Variants in RIMS2 observed in about 807,000 individuals in gnomAD.
The protein encoded by RIMS2 is regulating synaptic membrane exocytosis protein 2.
In RIMS2, 59 loss-of-function variants were observed where a neutral mutation model predicts 174.4. That is an observed-to-expected ratio of 0.34 (90% CI 0.27 to 0.42). The LOEUF (loss-of-function observed/expected upper bound fraction) is 0.42, where lower values mean the gene tolerates loss of function less well. RIMS2 is among the 10% of genes least tolerant of loss of function. The probability of loss-of-function intolerance (pLI) is 1.00; values close to 1 mark genes in which losing one functional copy is unlikely to be tolerated. For missense variants in RIMS2, 1,620 were observed against 1,666.3 expected (o/e 0.97, Z 0.48); for synonymous variants, 606 against 572.5 (o/e 1.06, Z -0.84).
chr8:104,086,685 G>A (rs1451584681), intron 19 of RIMS2, among the ~76,000 whole-genome samples: 2 of 151,854 alleles, frequency 1.3e-5, no homozygotes, highest in Non-Finnish European at 1.5e-5. Context: ...CCCTTTCTTC[G>A]ACTACCGCTT....
chr8:103,906,618 TA>T (rs1273616892), intron 4 of RIMS2, among the ~76,000 whole-genome samples: 1 of 152,202 alleles, frequency 6.6e-6, no homozygotes, highest in Non-Finnish European at 1.5e-5. Context: ...TATGTTTTTT[TA>T]TTTTCAGAGA....
At chr8:104,107,297 T>C (rs938480675) in intron 19 of RIMS2, among the ~76,000 whole-genome samples, 10 of 152,176 alleles carry the variant, frequency 6.6e-5, no homozygotes, top group African/African-American at 2.4e-4. Flanking sequence ...GTACCTTCTC[T>C]TCTCTTCACA....
chr8:103,696,982 T>G (rs1187595012), intron 1 of RIMS2, 104 bp from the exon 4 acceptor site: 1 of 670,368 alleles, frequency 1.5e-6, no homozygotes, highest in East Asian at 2.7e-5. Context: ...TTTATTCTCA[T>G]CTTGTATTTT....
At chr8:103,570,261 G>T (rs1172480093) in intron 1 of RIMS2, among the ~76,000 whole-genome samples, 1 of 152,082 alleles carries the variant, frequency 6.6e-6, no homozygotes, top group Non-Finnish European at 1.5e-5. Flanking sequence ...CAGTACTGAT[G>T]TTGCCAGCAC....
chr8:103,605,919 C>G (rs924087524), intron 1 of RIMS2, among the ~76,000 whole-genome samples: 2 of 149,184 alleles, frequency 1.3e-5, no homozygotes, highest in Non-Finnish European at 3.0e-5. Flanking sequence ...TGCTAGCAGT[C>G]TATCAATTTT....
intron 3 of RIMS2, among the ~76,000 whole-genome samples, chr8:103,879,985 C>T (rs1406861756): frequency 6.6e-6 from 1 of 151,508 alleles, no homozygotes; most frequent in Non-Finnish European, 1.5e-5. Context: ...TAGTGTCTAA[C>T]CAACTTCTTA....
chr8:104,181,664 G>T (rs1383687024), intron 19 of RIMS2, among the ~76,000 whole-genome samples: 1 of 151,396 alleles, frequency 6.6e-6, no homozygotes, highest in Non-Finnish European at 1.5e-5. Flanking sequence ...TTGTACTATT[G>T]CTTTTGAACT....
intron 13 of RIMS2, among the ~76,000 whole-genome samples, chr8:103,941,128 T>TA (rs2082430301): frequency 6.6e-6 from 1 of 152,184 alleles, no homozygotes; most frequent in Admixed American, 6.5e-5. Context: ...GTATTGTGTG[T>TA]TTGTAATCCT....
At chr8:104,183,353 C>CT (rs1418452824) in intron 19 of RIMS2, among the ~76,000 whole-genome samples, 1 of 151,412 alleles carries the variant, frequency 6.6e-6, no homozygotes, top group African/African-American at 2.4e-5. Context: ...ATTTTATTAT[C>CT]TTTTTTACTT....
At chr8:103,610,138 T>C (rs1186020731) in intron 1 of RIMS2, among the ~76,000 whole-genome samples, 1 of 152,104 alleles carries the variant, frequency 6.6e-6, no homozygotes, top group Non-Finnish European at 1.5e-5. Context: ...TGCTTGGACA[T>C]TGTTGGTGTA....
At chr8:103,910,470 T>C (rs2075449784) in intron 5 of RIMS2, 1 of 1,597,712 alleles carries the variant, frequency 6.3e-7, no homozygotes, top group Non-Finnish European at 8.5e-7. Context: ...GATTAAGGAC[T>C]CTGGGGTAGA....
chr8:103,997,937 T>A (rs2154551643), intron 17 of RIMS2, among the ~76,000 whole-genome samples: 1 of 151,708 alleles, frequency 6.6e-6, no homozygotes, highest in East Asian at 1.9e-4. Context: ...GCTAAAGATG[T>A]TTGAGTAATA....
chr8:103,864,071 G>A (rs897429924), intron 3 of RIMS2, among the ~76,000 whole-genome samples: 1 of 151,898 alleles, frequency 6.6e-6, no homozygotes, highest in African/African-American at 2.4e-5. Flanking sequence ...ACCATGCCTG[G>A]CTAATTTTTG....
At chr8:103,581,543 C>T (rs542069344) in intron 1 of RIMS2, among the ~76,000 whole-genome samples, 17 of 152,154 alleles carry the variant, frequency 1.1e-4, no homozygotes, top group African/African-American at 3.4e-4. Flanking sequence ...AAATTGAAAG[C>T]GGTTTATTTA....
intron 1 of RIMS2, among the ~76,000 whole-genome samples, chr8:103,618,501 T>G (rs2095557329): frequency 6.6e-6 from 1 of 152,066 alleles, no homozygotes; most frequent in South Asian, 2.1e-4. Context: ...TTCCTGAAGC[T>G]GGAGAGACCC....
chr8:103,989,559 A>T, intron 17 of RIMS2, 138 bp downstream of exon 19: 1 of 540,094 alleles, frequency 1.9e-6, no homozygotes, highest in Non-Finnish European at 3.2e-6. Flanking sequence ...CGCTTACATT[A>T]TTTCTTATGA....
At chr8:103,613,361 A>C (rs977118356) in intron 1 of RIMS2, among the ~76,000 whole-genome samples, 1 of 145,766 alleles carries the variant, frequency 6.9e-6, no homozygotes, top group African/African-American at 2.6e-5. Flanking sequence ...AGATTCTGCC[A>C]GGCCATCACT....
At chr8:103,885,597 A>T in exon 4 of RIMS2, 1 of 1,613,080 alleles carries the variant, frequency 6.2e-7, no homozygotes, top group Non-Finnish European at 8.5e-7. Context: ...CAGTCACGCT[A>T]CCGAAGTGAT....
At chr8:103,757,696 G>C (rs2098042992) in intron 2 of RIMS2, among the ~76,000 whole-genome samples, 1 of 152,144 alleles carries the variant, frequency 6.6e-6, no homozygotes, top group African/African-American at 2.4e-5. Context: ...TAAAGATCTT[G>C]AGATAGGGAG....
Sources: allele counts gnomAD v4.1 joint callset (sites outside exome capture counted in the v4.1 genomes callset), GRCh38; gene constraint gnomAD v4.1.1; transcripts MANE v1.5; gene names NCBI Gene and HGNC (gene_info 2026-07-23, HGNC 2026-07-21).